Variants in CCDC40 observed in about 807,000 individuals in gnomAD.
The protein encoded by CCDC40 is coiled-coil domain 40 molecular ruler complex subunit.
A neutral mutation model predicts 124.5 loss-of-function variants in CCDC40; 104 were observed. The observed-to-expected ratio is 0.84, with a 90% CI of 0.71 to 0.98. CCDC40 has a LOEUF of 0.98. Among genes scored for constraint, CCDC40 ranks in the 50% least tolerant of loss-of-function variants. The probability of loss-of-function intolerance (pLI) is 0.00; values close to 1 mark genes in which losing one functional copy is unlikely to be tolerated. For missense variants in CCDC40, 1,463 were observed against 1,503.9 expected (o/e 0.97, Z 0.45); for synonymous variants, 580 against 602.9 (o/e 0.96, Z 0.56).
intron 10 of CCDC40, among the ~76,000 whole-genome samples, chr17:80,071,242 C>T (rs1189324386): frequency 6.6e-6 from 1 of 152,240 alleles, no homozygotes; most frequent in Admixed American, 6.5e-5. Context: ...CTGCCTTTGT[C>T]CTATTTCCTG....
chr17:80,071,103 T>C (rs1163012349), intron 10 of CCDC40, among the ~76,000 whole-genome samples: 1 of 152,134 alleles, frequency 6.6e-6, no homozygotes, highest in Non-Finnish European at 1.5e-5. Flanking sequence ...TCCCATCACA[T>C]ACGCAGGGAA....
At chr17:80,073,290 T>C (rs952554541) in intron 10 of CCDC40, among the ~76,000 whole-genome samples, 1 of 152,068 alleles carries the variant, frequency 6.6e-6, no homozygotes. Flanking sequence ...GGAATCGCAT[T>C]TTTTACAAAT....
intron 7 of CCDC40, among the ~76,000 whole-genome samples, chr17:80,057,464 G>T (rs1373333211): frequency 6.6e-6 from 1 of 152,148 alleles, no homozygotes; most frequent in Non-Finnish European, 1.5e-5. Flanking sequence ...GCAGCCTTTT[G>T]GCCTGTAATT....
chr17:80,040,999 G>T (rs991363908), intron 3 of CCDC40, among the ~76,000 whole-genome samples: 1 of 152,186 alleles, frequency 6.6e-6, no homozygotes, highest in Non-Finnish European at 1.5e-5. Context: ...ATAATGAATA[G>T]TGCAGTTCTA....
At chr17:80,036,831 C>A in intron 1 of CCDC40, 140 bp downstream of exon 1, 1 of 788,668 alleles carries the variant, frequency 1.3e-6, no homozygotes, top group Non-Finnish European at 1.8e-6. Context: ...TCCCTTCTCT[C>A]GCCATTTTGC....
chr17:80,095,484 G>A (rs766452269), intron 18 of CCDC40, 33 bp downstream of exon 18: 6 of 1,601,986 alleles, frequency 3.7e-6, no homozygotes, highest in Non-Finnish European at 4.3e-6. Context: ...CAGGGCGCCT[G>A]CTCCTCTCTC....
At chr17:80,045,202 C>T (rs1340099342) in intron 3 of CCDC40, among the ~76,000 whole-genome samples, 1 of 152,228 alleles carries the variant, frequency 6.6e-6, no homozygotes, top group African/African-American at 2.4e-5. Context: ...GGGGCAAGCC[C>T]TTCAGCCTCC....
chr17:80,085,774 AT>A (rs2143747605), intron 13 of CCDC40, among the ~76,000 whole-genome samples: 1 of 146,510 alleles, frequency 6.8e-6, no homozygotes, highest in South Asian at 2.1e-4. Flanking sequence ...AGTTCAAGCG[AT>A]TCTCCTGCCT....
intron 3 of CCDC40, among the ~76,000 whole-genome samples, chr17:80,042,633 C>T (rs951769890): frequency 1.3e-5 from 2 of 152,166 alleles, no homozygotes; most frequent in Non-Finnish European, 2.9e-5. Context: ...CTTCCTTTCC[C>T]ATCCAGATGC....
intron 12 of CCDC40, among the ~76,000 whole-genome samples, chr17:80,082,934 G>A (rs1024555910): frequency 4.6e-5 from 7 of 152,226 alleles, no homozygotes; most frequent in South Asian, 4.1e-4. Context: ...CCCCCGACAC[G>A]ATGTTTGAAC....
rs1379204781 is a variant in CCDC40, at chr17:80,097,315, T to C, written c.3092T>C (p.Leu1031Pro). Residue 1031 changes from leucine to proline, a missense_variant, in exon 19 of 20, where the codon CTA becomes CCA. Physicochemically the swap from Leu to Pro is moderately conservative, Grantham distance 98 (BLOSUM62 -3). Coordinates refer to ENST00000397545, the MANE Select transcript of CCDC40 (RefSeq NM_017950.4). Reference sequence around the variant, plus strand: ...CAAAGAAATGTGAGCAGCTCCCTCCTAGAGAAGCAGGAAAAGCTGTCGGTG... The same window carrying C: ...CAAAGAAATGTGAGCAGCTCCCTCCCAGAGAAGCAGGAAAAGCTGTCGGTG... The part of the protein sequence containing the change: ...ETQRNVSSSL[L>P]EKQEKLSVIQ... 6.2e-7 allele frequency: 1 copy of C among 1,613,902 alleles called. No individual in the cohort carries two copies. The highest frequency in any genetic ancestry group is 8.5e-7 in the Non-Finnish European group (1 of 1,180,004).
At chr17:80,040,456 G>T in intron 3 of CCDC40, 186 bp downstream of exon 3, 2 of 622,034 alleles carry the variant, frequency 3.2e-6, no homozygotes, top group South Asian at 3.8e-5. Flanking sequence ...AGGTGGGTGG[G>T]TCACCTGAGG....
chr17:80,087,690 A>G lies in CCDC40; in HGVS notation c.2533A>G (p.Met845Val). 2 of 1,614,002 alleles carry G rather than the reference A, an allele frequency of 1.2e-6. No homozygotes were observed. Among genetic ancestry groups the G allele is most frequent in the South Asian group, 1.1e-5 (1 of 91,084 alleles). ...DLDNDLKKLN[M>V]LMNKNRCSSE... ...GGACAACGACCTGAAGAAGCTCAAC[A>G]TGTTGATGAATAAAAACCGGTGCAG... Residue 845 changes from methionine to valine, a missense_variant, in exon 15 of 20, where the codon ATG becomes GTG. By Grantham distance (21) the Met-to-Val change is conservative. Transcript: ENST00000397545. The surrounding 1 kb of genome is among the most constrained non-coding windows in gnomAD (Gnocchi z 4.5).
At chr17:80,090,321 ACGCGCGC>A in intron 17 of CCDC40, 4 of 663,256 alleles carry the variant, frequency 6.0e-6, no homozygotes, top group South Asian at 2.6e-5. Context: ...ACAACACGGG[ACGCGCGC>A]AGGCACGTGC....
chr17:80,065,511 C>A lies in CCDC40; in HGVS notation c.1467C>A (p.Ser489Arg), dbSNP rs200154414. 1.2e-4 allele frequency: 196 copies of A among 1,613,112 alleles called. No individual in the cohort carries two copies. In the South Asian group the frequency reaches 1.3e-3, roughly 11 times the overall value. Residue 489 changes from serine (S) to arginine (R), a missense_variant, in exon 10 of 20, where the codon AGC becomes AGA. Physicochemically the swap from Ser to Arg is moderately radical, Grantham distance 110. Transcript: ENST00000397545. ...SEACTEIDAISVEKRRIMQQW... is the reference protein window; with the variant it reads ...SEACTEIDAIRVEKRRIMQQW... ...CCTGCACCGAGATCGACGCCATCAG[C>A]GTGGAGAAGAGGCGCATCATGCAGC...
chr17:80,040,406 C>T (rs986461123), intron 3 of CCDC40, 136 bp downstream of exon 3: 25 of 901,960 alleles, frequency 2.8e-5, no homozygotes, highest in African/African-American at 2.3e-4. Flanking sequence ...AGGCTGGGTG[C>T]GGTGGCTCAC....
intron 7 of CCDC40, among the ~76,000 whole-genome samples, chr17:80,052,028 G>T (rs2037611791): frequency 6.6e-6 from 1 of 152,246 alleles, no homozygotes; most frequent in African/African-American, 2.4e-5. Flanking sequence ...AAGAATTTGG[G>T]CAACGGTCCC....
intron 17 of CCDC40, 126 bp downstream of exon 17, chr17:80,090,010 G>T (rs1021031816): frequency 1.3e-6 from 2 of 1,535,724 alleles, no homozygotes; most frequent in African/African-American, 2.7e-5. Flanking sequence ...CACATTGGCT[G>T]GTGGCAATGG....
At chr17:80,067,979 C>G in intron 10 of CCDC40, 1 of 1,092,034 alleles carries the variant, frequency 9.2e-7, no homozygotes, top group Non-Finnish European at 1.1e-6. Flanking sequence ...CTGACTTCAC[C>G]TGCAGCTTGC....
Sources: gnomAD v4.1 joint callset for allele counts (sites outside exome capture counted in the v4.1 genomes callset) on GRCh38, gnomAD v4.1.1 for gene constraint, Gnocchi (gnomAD v3.1) non-coding constraint, MANE v1.5 for transcripts, NCBI Gene and HGNC (gene_info 2026-07-23, HGNC 2026-07-21) for gene names.